INSL6: variants seen among roughly 807,000 people sequenced by gnomAD.
INSL6 encodes the protein insulin-like peptide INSL6.
A neutral mutation model predicts 9.4 loss-of-function variants in INSL6; 16 were observed. The observed-to-expected ratio is 1.70, with a 90% CI of 1.15 to 2.59. The LOEUF (loss-of-function observed/expected upper bound fraction) is 2.59. INSL6 is among the 30% of genes most tolerant of loss of function. The pLI, the probability that INSL6 is intolerant of heterozygous loss-of-function variation, is 0.00. For synonymous variants in INSL6, 154 were observed against 96.9 expected, an observed-to-expected ratio of 1.59 and a Z score of -3.46; for missense variants, 391 against 257.3, an observed-to-expected ratio of 1.52 and a Z score of -3.56.
chr9:5,054,338 A>C, the INSL6 span, among the ~76,000 whole-genome samples: 1 of 152,040 alleles, frequency 6.6e-6, no homozygotes, highest in Admixed American at 6.6e-5. The surrounding 1 kb of genome is among the most constrained non-coding windows in gnomAD (Gnocchi z 4.9). Flanking sequence ...TCTTTTGTAA[A>C]CATTGATGAT....
chr9:5,058,453 G>A, the INSL6 span, among the ~76,000 whole-genome samples: 1 of 152,068 alleles, frequency 6.6e-6, no homozygotes, highest in Non-Finnish European at 1.5e-5. Context: ...AGAACAGCAT[G>A]GGGGAAACAA....
chr9:5,126,838 G>A (rs1824032682), intron 3 of INSL6: 1 of 1,169,992 alleles, frequency 8.5e-7, no homozygotes, highest in Admixed American at 1.9e-5. Context: ...ACAGAACAAA[G>A]TTTTATATTT....
chr9:5,054,696 T>A, the INSL6 span: 1 of 1,613,460 alleles, frequency 6.2e-7, no homozygotes, highest in Non-Finnish European at 8.5e-7. The surrounding 1 kb of genome is among the most constrained non-coding windows in gnomAD (Gnocchi z 4.9). Flanking sequence ...TGCCAGAAAC[T>A]TGAAACTTAA....
At chr9:5,185,276 C>G (rs376326122) in intron 1 of INSL6, 38 bp downstream of exon 1, 1 of 1,613,086 alleles carries the variant, frequency 6.2e-7, no homozygotes, top group African/African-American at 1.3e-5. Context: ...AAGAAATATA[C>G]AGAGGTGAAC....
chr9:5,020,350 C>G, the INSL6 span, among the ~76,000 whole-genome samples: 1 of 152,106 alleles, frequency 6.6e-6, no homozygotes, highest in African/African-American at 2.4e-5. Flanking sequence ...AGATAACATG[C>G]TTGGATACGT....
At chr9:5,000,965 C>G in the INSL6 span, among the ~76,000 whole-genome samples, 1 of 151,996 alleles carries the variant, frequency 6.6e-6, no homozygotes, top group Non-Finnish European at 1.5e-5. Context: ...AGCAAATTCC[C>G]AAGATAGCAA....
At chr9:5,083,248 A>C in the INSL6 span, among the ~76,000 whole-genome samples, 2 of 152,170 alleles carry the variant, frequency 1.3e-5, no homozygotes, top group Non-Finnish European at 2.9e-5. Context: ...ACTGTGCCAT[A>C]TTCACTAGCA....
chr9:5,150,232 C>A (rs1033700378), intron 2 of INSL6, among the ~76,000 whole-genome samples: 1 of 146,748 alleles, frequency 6.8e-6, no homozygotes, highest in Non-Finnish European at 1.5e-5. Context: ...GCAGCAGAAA[C>A]AACAAAATAC....
downstream of INSL6, among the ~76,000 whole-genome samples, chr9:5,119,276 A>T (rs1483817959): frequency 2.0e-5 from 3 of 152,140 alleles, no homozygotes; most frequent in Admixed American, 6.5e-5. Flanking sequence ...AAAACCTGAG[A>T]AACAAATGAC....
At chr9:5,131,968 C>T (rs1211697222) in intron 3 of INSL6, 2 of 152,104 alleles carry the variant, frequency 1.3e-5, no homozygotes, top group Non-Finnish European at 2.9e-5. Context: ...ATTTTGAAGA[C>T]AGTGTGAATC....
intron 1 of INSL6, among the ~76,000 whole-genome samples, chr9:5,179,455 G>C (rs1016897052): frequency 6.6e-6 from 1 of 152,170 alleles, no homozygotes; most frequent in African/African-American, 2.4e-5. Flanking sequence ...CAAAGACCTA[G>C]AGGCAGAAAT....
chr9:5,079,641 A>G, the INSL6 span, among the ~76,000 whole-genome samples: 2 of 151,966 alleles, frequency 1.3e-5, no homozygotes, highest in East Asian at 3.9e-4. Context: ...GATAAACTAT[A>G]TAAAAAAAAA....
chr9:5,173,838 A>T (rs1488061899), intron 1 of INSL6, among the ~76,000 whole-genome samples: 2 of 152,126 alleles, frequency 1.3e-5, no homozygotes, highest in South Asian at 4.1e-4. Context: ...AAGATCACAA[A>T]ACCTATCAAC....
chr9:5,087,192 T>TTGAC, the INSL6 span, among the ~76,000 whole-genome samples: 1 of 152,226 alleles, frequency 6.6e-6, no homozygotes. Context: ...AGAGGTTTAA[T>TTGAC]TGACTGACAG....
At chr9:5,154,465 T>G (rs927765697) in intron 2 of INSL6, among the ~76,000 whole-genome samples, 3 of 151,978 alleles carry the variant, frequency 2.0e-5, no homozygotes, top group Non-Finnish European at 2.9e-5. Context: ...AAGCCAAAAT[T>G]GACAAATGGG....
At chr9:5,080,619 T>C in the INSL6 span, 7 of 1,608,934 alleles carry the variant, frequency 4.4e-6, no homozygotes, top group Non-Finnish European at 8.5e-7. Flanking sequence ...GTATGGATTA[T>C]GAACCAGATT....
intron 2 of INSL6, among the ~76,000 whole-genome samples, chr9:5,147,642 C>G (rs560815659): frequency 5.6e-4 from 82 of 146,780 alleles, no homozygotes; most frequent in African/African-American, 2.0e-3. Context: ...AGACCATCTT[C>G]AAATATATTT....
chr9:5,156,360 A>G (rs1824814489), intron 2 of INSL6, among the ~76,000 whole-genome samples: 1 of 152,222 alleles, frequency 6.6e-6, no homozygotes, highest in Non-Finnish European at 1.5e-5. Flanking sequence ...CTCTGATATC[A>G]GAACCAGATA....
the INSL6 span, chr9:5,108,571 C>G: frequency 1.3e-5 from 2 of 152,018 alleles, no homozygotes; most frequent in Non-Finnish European, 2.9e-5. Flanking sequence ...CTGTGACTCC[C>G]AAAAGCCCAT....
Sources: allele counts gnomAD v4.1 joint callset (sites outside exome capture counted in the v4.1 genomes callset), GRCh38; gene constraint gnomAD v4.1.1; non-coding constraint Gnocchi (gnomAD v3.1); transcripts MANE v1.5; gene names NCBI Gene and HGNC (gene_info 2026-07-23, HGNC 2026-07-21).